DNAH14: variants seen among roughly 807,000 people sequenced by gnomAD.
The protein encoded by DNAH14 is axonemal beta dynein heavy chain 14.
A neutral mutation model predicts 520.9 loss-of-function variants in DNAH14; 478 were observed. The ratio of observed to expected loss-of-function variants is 0.92; its 90% CI spans 0.85 to 0.99. The LOEUF (loss-of-function observed/expected upper bound fraction) is 0.99, where lower values mean the gene tolerates loss of function less well. Ranked by LOEUF, DNAH14 falls within the 50% of genes least tolerant of loss-of-function variation. The pLI is 0.00. For missense variants in DNAH14, 4,831 were observed against 5,234.5 expected (o/e 0.92, Z 2.38); for synonymous variants, 1,581 against 1,757.2 (o/e 0.90, Z 2.51).
chr1:225,319,848 A>G (rs1421622586), intron 61 of DNAH14, among the ~76,000 whole-genome samples: 2 of 152,152 alleles, frequency 1.3e-5, no homozygotes, highest in African/African-American at 4.8e-5. Context: ...AGAGTGTTCC[A>G]AGCAGAGGAA....
At chr1:225,088,277 G>C (rs1003705549) in intron 21 of DNAH14, among the ~76,000 whole-genome samples, 17 of 152,064 alleles carry the variant, frequency 1.1e-4, no homozygotes, top group African/African-American at 4.1e-4. Context: ...ACATTAAAAT[G>C]GTTATAAATT....
chr1:225,172,006 C>T (rs923727299), intron 36 of DNAH14, among the ~76,000 whole-genome samples: 67 of 152,138 alleles, frequency 4.4e-4, no homozygotes, highest in Non-Finnish European at 2.4e-4. Context: ...ACAGAACCAA[C>T]GACAAAAACC....
intron 1 of DNAH14, among the ~76,000 whole-genome samples, chr1:224,939,941 T>A (rs1254940232): frequency 2.0e-5 from 3 of 152,308 alleles, no homozygotes; most frequent in Admixed American, 1.3e-4. Flanking sequence ...ATTTCACTTA[T>A]CTATTGCTGT....
intron 43 of DNAH14, among the ~76,000 whole-genome samples, chr1:225,246,124 A>T (rs890041260): frequency 6.7e-6 from 1 of 149,532 alleles, no homozygotes; most frequent in African/African-American, 2.4e-5. Flanking sequence ...AAAAAAAAAA[A>T]GGATAAGGAT....
At chr1:225,031,766 T>TAAATA (rs1298782743) in intron 11 of DNAH14, among the ~76,000 whole-genome samples, 4 of 152,132 alleles carry the variant, frequency 2.6e-5, no homozygotes, top group African/African-American at 9.7e-5. Context: ...TTTTAGTTGT[T>TAAATA]CATGTATTTT....
intron 21 of DNAH14, 121 bp downstream of exon 21, chr1:225,085,910 A>G: frequency 1.0e-6 from 1 of 996,488 alleles, no homozygotes; most frequent in Non-Finnish European, 1.3e-6. Flanking sequence ...TTATATAAAA[A>G]TTACAATGAA....
Position 225,023,843 on chromosome 1 carries a change from A to G in DNAH14, c.1336A>G (p.Lys446Glu). Residue 446 changes from lysine to glutamate, a missense_variant, in exon 11 of 86, where the codon AAA (lysine) becomes GAA (glutamate). Coordinates refer to ENST00000682510, the MANE Select transcript of DNAH14 (RefSeq NM_001367479.1). ...TGCTGGAATGCCATTTTCAGTGGAA[A>G]AAAAGAATGAAAATCTTATCAGGTA... ...GSAGMPFSVE[K>E]KNENLIRTFK... 1 of 1,535,298 alleles carries G rather than the reference A, an allele frequency of 6.5e-7. No individual in the cohort carries two copies. Among genetic ancestry groups the G allele is most frequent in the Non-Finnish European group, 8.8e-7 (1 of 1,138,866 alleles).
At chr1:225,050,849 G>C (rs1195696166) in intron 16 of DNAH14, among the ~76,000 whole-genome samples, 1 of 152,208 alleles carries the variant, frequency 6.6e-6, no homozygotes. Context: ...ATGGACAGCA[G>C]CTGAGGGGTG....
At chr1:225,224,292 T>C (rs2090329637) in intron 41 of DNAH14, among the ~76,000 whole-genome samples, 1 of 151,240 alleles carries the variant, frequency 6.6e-6, no homozygotes. Context: ...GGCAACTAGA[T>C]TGCATAGACC....
At chr1:224,954,763 G>T (rs145305344) in intron 2 of DNAH14, among the ~76,000 whole-genome samples, 196 bp from the exon 3 acceptor site, 2 of 152,220 alleles carry the variant, frequency 1.3e-5, no homozygotes, top group South Asian at 4.2e-4. Context: ...TTACTTGAGT[G>T]AATAGATATT....
At chr1:224,937,313 G>A (rs750048501) in intron 1 of DNAH14, among the ~76,000 whole-genome samples, 4 of 151,694 alleles carry the variant, frequency 2.6e-5, no homozygotes, top group African/African-American at 7.3e-5. Flanking sequence ...ATATAAGGGC[G>A]CTACCAAAAA....
chr1:224,975,512 G>A (rs1363768890), intron 8 of DNAH14, among the ~76,000 whole-genome samples: 17 of 151,970 alleles, frequency 1.1e-4, no homozygotes, highest in East Asian at 7.7e-4. Context: ...GTTTATTTGC[G>A]TAGAGGTGTT....
At chr1:225,126,572 A>G (rs932684534) in intron 27 of DNAH14, among the ~76,000 whole-genome samples, 4 of 151,686 alleles carry the variant, frequency 2.6e-5, no homozygotes, top group Non-Finnish European at 5.9e-5. Flanking sequence ...ATCATTTTTT[A>G]TTGCTTCTAT....
chr1:225,374,971 T>G, intron 78 of DNAH14, 86 bp downstream of exon 78: 1 of 1,257,422 alleles, frequency 8.0e-7, no homozygotes, highest in South Asian at 1.7e-5. Flanking sequence ...TTTAAATAAA[T>G]TTTGATGTTC....
At chr1:225,221,500 C>T (rs1484652411) in intron 41 of DNAH14, among the ~76,000 whole-genome samples, 2 of 152,092 alleles carry the variant, frequency 1.3e-5, no homozygotes, top group Non-Finnish European at 2.9e-5. Context: ...AGGATATGAA[C>T]AGACACTTTT....
At chr1:225,182,345 T>G (rs187751574) in intron 36 of DNAH14, among the ~76,000 whole-genome samples, 1 of 152,214 alleles carries the variant, frequency 6.6e-6, no homozygotes, top group East Asian at 1.9e-4. Context: ...ACTGGCACCT[T>G]AAAAAAATTC....
At chr1:225,259,418 A>AT (rs984277030) in intron 46 of DNAH14, among the ~76,000 whole-genome samples, 165 bp downstream of exon 46, 1 of 152,006 alleles carries the variant, frequency 6.6e-6, no homozygotes, top group African/African-American at 2.4e-5. Flanking sequence ...TTTCTCTTTT[A>AT]TTTTTTCCAT....
chr1:225,374,499 G>T (rs2095670795), intron 77 of DNAH14, among the ~76,000 whole-genome samples, 189 bp from the exon 78 acceptor site: 1 of 151,668 alleles, frequency 6.6e-6, no homozygotes, highest in Non-Finnish European at 1.5e-5. Flanking sequence ...GACCTCAAAT[G>T]ATCCGCCTGC....
intron 27 of DNAH14, among the ~76,000 whole-genome samples, chr1:225,130,344 AT>A (rs1330808949): frequency 6.6e-6 from 1 of 152,110 alleles, no homozygotes; most frequent in Non-Finnish European, 1.5e-5. Flanking sequence ...ACTATAAATC[AT>A]GCTGCTATAA....
Sources: gnomAD v4.1 joint callset for allele counts (sites outside exome capture counted in the v4.1 genomes callset) on GRCh38, gnomAD v4.1.1 for gene constraint, MANE v1.5 for transcripts, NCBI Gene and HGNC (gene_info 2026-07-23, HGNC 2026-07-21) for gene names.